The following TBPL1 variants were observed in gnomAD, a reference collection of about 807,000 sequenced individuals.
The protein encoded by TBPL1 is TATA-box binding protein like 1.
Under a neutral mutation model 22.1 loss-of-function variants are expected in TBPL1, and 4 were observed. The observed-to-expected ratio is 0.18, with a 90% CI of 0.09 to 0.41. The LOEUF (loss-of-function observed/expected upper bound fraction) is 0.41, where lower values mean the gene tolerates loss of function less well. Among genes scored for constraint, TBPL1 ranks in the 10% least tolerant of loss-of-function variants. TBPL1 has a pLI of 1.00. For synonymous variants in TBPL1, 64 were observed against 71.0 expected, an observed-to-expected ratio of 0.90 and a Z score of 0.50; for missense variants, 115 against 222.3, an observed-to-expected ratio of 0.52 and a Z score of 3.07.
intron 1 of TBPL1, among the ~76,000 whole-genome samples, chr6:133,977,000 G>A (rs1776326024): frequency 6.6e-6 from 1 of 151,572 alleles, no homozygotes; most frequent in African/African-American, 2.4e-5. Context: ...AAGAAATTGA[G>A]ATTTGTCTGT....
intron 2 of TBPL1, among the ~76,000 whole-genome samples, chr6:133,980,714 A>G (rs1776397380): frequency 6.6e-6 from 1 of 151,606 alleles, no homozygotes; most frequent in Non-Finnish European, 1.5e-5. Context: ...TAACCTGGAC[A>G]TCTTAAATTT....
At chr6:133,966,108 A>ATG (rs142463702) in intron 1 of TBPL1, among the ~76,000 whole-genome samples, 5 of 151,962 alleles carry the variant, frequency 3.3e-5, no homozygotes, top group East Asian at 3.9e-4. Context: ...GTGTGTGTGC[A>ATG]TGTGTGTGTG....
chr6:133,959,628 C>T (rs58522481), intron 1 of TBPL1, among the ~76,000 whole-genome samples: 6 of 152,134 alleles, frequency 3.9e-5, no homozygotes, highest in African/African-American at 1.2e-4. Context: ...ATTACAGGCA[C>T]CCACCACCAC....
intron 1 of TBPL1, among the ~76,000 whole-genome samples, chr6:133,969,144 TATC>T (rs2114349620): frequency 6.6e-6 from 1 of 152,304 alleles, no homozygotes; most frequent in South Asian, 2.1e-4. Context: ...CCATTGAACT[TATC>T]TTTTCTTAAG....
At chr6:133,957,854 G>A (rs546766816) in intron 1 of TBPL1, among the ~76,000 whole-genome samples, 1 of 152,230 alleles carries the variant, frequency 6.6e-6, no homozygotes, top group Non-Finnish European at 1.5e-5. Context: ...GCTTTAAAAA[G>A]TATTAGCAGG....
chr6:133,969,534 T>C (rs1345658569), intron 1 of TBPL1, among the ~76,000 whole-genome samples: 1 of 152,202 alleles, frequency 6.6e-6, no homozygotes, highest in Non-Finnish European at 1.5e-5. Flanking sequence ...TCAAATACTT[T>C]TGCTTTCACT....
At chr6:133,986,337 A>G (rs536287272) in intron 6 of TBPL1, among the ~76,000 whole-genome samples, 165 of 152,338 alleles carry the variant, frequency 1.1e-3, no homozygotes, top group African/African-American at 3.8e-3. Flanking sequence ...GATTTAAATG[A>G]AAGATTACAT....
intron 1 of TBPL1, among the ~76,000 whole-genome samples, chr6:133,961,291 A>G (rs1776018232): frequency 6.6e-6 from 1 of 152,140 alleles, no homozygotes; most frequent in Non-Finnish European, 1.5e-5. Flanking sequence ...AAAGACACAC[A>G]TTTAAATTAA....
At chr6:133,968,587 T>A (rs1169530443) in intron 1 of TBPL1, among the ~76,000 whole-genome samples, 1 of 152,220 alleles carries the variant, frequency 6.6e-6, no homozygotes, top group Non-Finnish European at 1.5e-5. Context: ...GTTTTACAAA[T>A]GAGAACAGGA....
chr6:133,982,030 T>C (rs1776424633), intron 2 of TBPL1, among the ~76,000 whole-genome samples: 1 of 152,188 alleles, frequency 6.6e-6, no homozygotes. Flanking sequence ...TATAAAGTAG[T>C]GATGGGTACC....
rs538696626 is a variant in TBPL1 at position 133,979,769 on chromosome 6, C to G, written c.-44-313C>G. Reference sequence around the variant, plus strand: ...TCAAGTGATTCTCCCACCTCAGCCTCCCTAGTAGCTGGGATTACAGACATG... The same window carrying G: ...TCAAGTGATTCTCCCACCTCAGCCTGCCTAGTAGCTGGGATTACAGACATG... On this transcript the variant is annotated intron_variant, in intron 1 of 6. Transcript: ENST00000237264. Among the ~76,000 whole-genome samples, 8 of 152,232 alleles carry G rather than the reference C, an allele frequency of 5.3e-5. No individual in the cohort carries two copies. In the South Asian group the frequency reaches 1.7e-3, roughly 32 times the overall value.
At chr6:133,962,651 A>T (rs9483635) in intron 1 of TBPL1, among the ~76,000 whole-genome samples, 21,789 of 152,180 alleles carry the variant, frequency 0.14, 2,005 homozygotes, top group African/African-American at 0.27. Flanking sequence ...AGGTCAGGAT[A>T]GATGTAGGAG....
At position 133,984,636 on chromosome 6, in the gene TBPL1, T is replaced by G; in HGVS notation, c.446T>G (p.Leu149Ter). The G allele has an allele frequency of 6.2e-7, 1 of 1,612,880 alleles. No homozygotes were observed. Among genetic ancestry groups the G allele is most frequent in the Non-Finnish European group, 8.5e-7 (1 of 1,179,834 alleles). The change falls in exon 6 of 7, where the codon TTA becomes TGA. Residue 149 changes from leucine to a stop codon, truncating the protein, a stop_gained. Coordinates refer to ENST00000237264, the MANE Select transcript of TBPL1 (RefSeq NM_004865.4). LOFTEE classifies it high-confidence loss of function. ...CYRIKSLRAT[L>*]QIFSTGSITV... ...CGGATAAAATCTCTAAGAGCTACAT[T>G]ACAGATTTTTTCAACAGGAAGTATC...
chr6:133,955,597 G>A (rs913820808), intron 1 of TBPL1, among the ~76,000 whole-genome samples: 2 of 152,058 alleles, frequency 1.3e-5, no homozygotes, highest in African/African-American at 2.4e-5. Flanking sequence ...AATACAACAG[G>A]TTAAGAGCCT....
At chr6:133,975,941 A>T (rs1258666778) in intron 1 of TBPL1, among the ~76,000 whole-genome samples, 1 of 152,226 alleles carries the variant, frequency 6.6e-6, no homozygotes, top group African/African-American at 2.4e-5. Flanking sequence ...TGCCATGATT[A>T]GCAGGCTTAA....
intron 1 of TBPL1, among the ~76,000 whole-genome samples, chr6:133,978,469 A>G (rs1239108155): frequency 6.6e-6 from 1 of 152,178 alleles, no homozygotes; most frequent in African/African-American, 2.4e-5. Context: ...GCTTAAGACC[A>G]ATGGTAATAA....
chr6:133,963,274 T>A (rs1309906436), intron 1 of TBPL1, among the ~76,000 whole-genome samples: 1 of 152,200 alleles, frequency 6.6e-6, no homozygotes. Flanking sequence ...CCTATGATGG[T>A]GTTTCAACCC....
chr6:133,987,174 C>A lies in TBPL1; in HGVS notation c.*134C>A. 1 of 501,164 alleles carries A rather than the reference C, an allele frequency of 2.0e-6. No homozygotes were observed. Among genetic ancestry groups the A allele is most frequent in the Non-Finnish European group, 3.4e-6 (1 of 292,696 alleles). The allele number at this position is 501,164 out of a possible 1,614,324, so 31.0% of individuals were successfully genotyped here. A position where few individuals can be genotyped will look rare whatever the true frequency, so the allele number is the denominator to read the frequency against. On this transcript the variant is annotated 3_prime_UTR_variant, in exon 7 of 7. Transcript: ENST00000237264. Reference sequence around the variant, plus strand: ...TATTCATTCACGGCTACAGTGTAAGCTCCAGTCCCTTTGGATTTTATTCCA... The same window carrying A: ...TATTCATTCACGGCTACAGTGTAAGATCCAGTCCCTTTGGATTTTATTCCA...
chr6:133,968,720 G>T (rs1776166415), intron 1 of TBPL1: 1 of 152,282 alleles, frequency 6.6e-6, no homozygotes, highest in South Asian at 2.1e-4. Flanking sequence ...GCCCACGCTG[G>T]AGTGCAGTGG....
Sources: allele counts gnomAD v4.1 joint callset (sites outside exome capture counted in the v4.1 genomes callset), GRCh38; gene constraint gnomAD v4.1.1; transcripts MANE v1.5; gene names NCBI Gene and HGNC (gene_info 2026-07-23, HGNC 2026-07-21).